The following STRBP variants were observed in gnomAD, a reference collection of about 807,000 sequenced individuals.
The protein encoded by STRBP is spermatid perinuclear RNA-binding protein.
Under a neutral mutation model 80.1 loss-of-function variants are expected in STRBP, and 13 were observed. The observed-to-expected ratio is 0.16, with a 90% CI of 0.11 to 0.26. STRBP has a LOEUF of 0.26. Ranked by LOEUF, STRBP falls within the 10% of genes least tolerant of loss-of-function variation. The probability of loss-of-function intolerance (pLI) is 1.00; values close to 1 mark genes in which losing one functional copy is unlikely to be tolerated. For synonymous variants in STRBP, 284 were observed against 291.2 expected, an observed-to-expected ratio of 0.98 and a Z score of 0.25; for missense variants, 485 against 815.2, an observed-to-expected ratio of 0.59 and a Z score of 4.93.
chr9:123,176,699 T>C (rs2132443880), intron 4 of STRBP, among the ~76,000 whole-genome samples: 1 of 152,298 alleles, frequency 6.6e-6, no homozygotes, highest in African/African-American at 2.4e-5. Flanking sequence ...CTTGGTCTTA[T>C]CAGCCCACAG....
At chr9:123,154,937 A>G (rs2132378993) in intron 11 of STRBP, among the ~76,000 whole-genome samples, 1 of 152,344 alleles carries the variant, frequency 6.6e-6, no homozygotes, top group South Asian at 2.1e-4. Context: ...GATGGGAGAT[A>G]CTGCAGCAGG....
chr9:123,197,140 A>AGAAAAAAAAACTTC lies in STRBP; in HGVS notation c.-164-12856_-164-12843dup, dbSNP rs202036886. Among the ~76,000 whole-genome samples the AGAAAAAAAAACTTC allele has an allele frequency of 9.4e-3, 1,437 of 152,310 alleles. 13 individuals carry two copies. The highest frequency in any genetic ancestry group is 0.015 in the Non-Finnish European group (1,038 of 68,020). ...AGGTTAAATGAAGTAAGCCAGACACAGAAAAAAAAACTTCAAATGTTCTTA... is the reference window on the plus strand; with the variant it reads ...AGGTTAAATGAAGTAAGCCAGACACAGAAAAAAAAACTTCGAAAAAAAAACTTCAAATGTTCTTA... On this transcript the variant is annotated intron_variant, in intron 2 of 18. Transcript: ENST00000348403.
intron 1 of STRBP, among the ~76,000 whole-genome samples, chr9:123,254,976 A>G (rs970045302): frequency 6.6e-6 from 1 of 152,224 alleles, no homozygotes; most frequent in African/African-American, 2.4e-5. Context: ...GTCTTTTTTC[A>G]ACTATTAAAA....
chr9:123,156,761 A>G (rs2037304936), intron 11 of STRBP, among the ~76,000 whole-genome samples: 1 of 151,800 alleles, frequency 6.6e-6, no homozygotes, highest in African/African-American at 2.4e-5. Context: ...CTTCAGACCC[A>G]CTGGAATTCT....
intron 3 of STRBP, among the ~76,000 whole-genome samples, chr9:123,182,217 T>TAAAAAAA (rs10546358): frequency 1.4e-5 from 1 of 69,764 alleles, no homozygotes; most frequent in African/African-American, 3.9e-5. Flanking sequence ...TCCGTTTCTT[T>TAAAAAAA]AAAAAAAAAA....
intron 2 of STRBP, among the ~76,000 whole-genome samples, chr9:123,213,373 C>T (rs1197278177): frequency 1.3e-5 from 2 of 152,104 alleles, no homozygotes; most frequent in Non-Finnish European, 2.9e-5. Context: ...GTTCGTTTTT[C>T]GAAACTTGAT....
Position 123,116,468 on chromosome 9 carries a change from CA to C in STRBP, c.169-371del, listed in dbSNP as rs553835362. On this transcript the variant is annotated intron_variant and NMD_transcript_variant, in intron 2 of 3. Coordinates refer to the STRBP transcript ENST00000471564. The stretch of plus-strand genomic sequence containing the variant: ...GTAGCTGGCAAAAAAGAAAACAAAA[CA>C]AAAAAACAGGCTGCCTGGCCCAGGG... Among the ~76,000 whole-genome samples the C allele has an allele frequency of 4.5e-3, 685 of 152,104 alleles. 3 individuals carry two copies. The highest frequency in any genetic ancestry group is 7.8e-3 in the Non-Finnish European group (528 of 67,960).
Position 123,200,575 on chromosome 9 carries a change from T to G in STRBP, c.-164-16277A>C, listed in dbSNP as rs189900870. Among the ~76,000 whole-genome samples the G allele has an allele frequency of 9.7e-4, 146 of 149,770 alleles. 2 individuals carry two copies. Among genetic ancestry groups the G allele is most frequent in the Admixed American group, 3.4e-3 (51 of 15,118 alleles). On this transcript the variant is annotated intron_variant, in intron 2 of 18. Transcript: ENST00000348403. ...TCTGTTGGCAATTTTTTTGTCTTTT[T>G]TTTTTTTTTTGAGACGGAATCTCAC...
chr9:123,161,099 A>T (rs747608728), intron 6 of STRBP, 31 bp from the exon 7 acceptor site: 1 of 1,495,764 alleles, frequency 6.7e-7, no homozygotes, highest in Non-Finnish European at 9.2e-7. Flanking sequence ...AGAGAGACAA[A>T]TACAATTTGA....
intron 1 of STRBP, among the ~76,000 whole-genome samples, chr9:123,242,170 C>A (rs552370190): frequency 6.6e-6 from 1 of 152,308 alleles, no homozygotes; most frequent in South Asian, 2.1e-4. Context: ...CAATTAGCCA[C>A]CCCACTATTT....
At chr9:123,252,391 T>C (rs2040936612) in intron 1 of STRBP, among the ~76,000 whole-genome samples, 1 of 152,168 alleles carries the variant, frequency 6.6e-6, no homozygotes, top group Admixed American at 6.5e-5. Context: ...GTCTTACAGC[T>C]AGTAAGTGAC....
chr9:123,207,097 A>T (rs1347560239), intron 2 of STRBP, among the ~76,000 whole-genome samples: 1 of 152,072 alleles, frequency 6.6e-6, no homozygotes, highest in African/African-American at 2.4e-5. Flanking sequence ...ATAAAAGAAT[A>T]AAAAAAACAG....
In STRBP at chr9:123,132,904, C is replaced by G; in HGVS notation, c.1838G>C (p.Gly613Ala). ...AACAAAAGCTCCCCTTGTTAGAGTT[C>G]CTCTTCCTCTGCCCCGAACAGCTTG... is the stretch of plus-strand genomic sequence containing the variant. Reference protein sequence around the residue: ...AVQAVRGRGRGTLTRGAFVGA... With the variant: ...AVQAVRGRGRATLTRGAFVGA... The change falls in exon 17 of 19, where the codon GGA becomes GCA. Residue 613 changes from glycine (G) to alanine (A), a missense_variant. By Grantham distance (60) the Gly-to-Ala change is moderately conservative. Transcript: ENST00000348403. The G allele has an allele frequency of 6.2e-7, 1 of 1,614,126 alleles. No individual in the cohort carries two copies. Among genetic ancestry groups the G allele is most frequent in the Non-Finnish European group, 8.5e-7 (1 of 1,179,978 alleles).
chr9:123,202,923 C>G (rs570230315), intron 2 of STRBP, among the ~76,000 whole-genome samples: 20 of 152,020 alleles, frequency 1.3e-4, no homozygotes, highest in Admixed American at 6.6e-4. Flanking sequence ...TCCACCATAA[C>G]CAACCTGGTC....
At position 123,125,459 on chromosome 9, in the gene STRBP, C is replaced by A; in HGVS notation, c.*138G>T. ...GAACTAAATTTGCATTTGTTAAAAT[C>A]AAAAAGTAGGAAAGATGTTCTTTAC... On this transcript the variant is annotated 3_prime_UTR_variant, in exon 19 of 19. Coordinates refer to ENST00000348403, the MANE Select transcript of STRBP (RefSeq NM_018387.5). 8.0e-7 allele frequency: 1 copy of A among 1,250,204 alleles called. No homozygotes were observed. The highest frequency in any genetic ancestry group is 1.6e-5 in the African/African-American group (1 of 63,528). 77.4% of individuals were successfully genotyped at this position (1,250,204 alleles called of 1,614,324 possible).
intron 11 of STRBP, 134 bp downstream of exon 11, chr9:123,157,878 G>T (rs1588012822): frequency 1.4e-6 from 1 of 703,806 alleles, no homozygotes; most frequent in East Asian, 2.5e-5. Context: ...ACCTATATCA[G>T]TCAGGAAGAA....
chr9:123,121,319 C>T (rs944259454), downstream of STRBP: 9 of 152,196 alleles, frequency 5.9e-5, no homozygotes, highest in African/African-American at 2.2e-4. Context: ...AGCCTTAGCA[C>T]ACAACATCTA....
At chr9:123,160,016 G>C (rs1220791174) in intron 8 of STRBP, among the ~76,000 whole-genome samples, 6 of 152,204 alleles carry the variant, frequency 3.9e-5, no homozygotes, top group Non-Finnish European at 5.9e-5. Flanking sequence ...CAAAAGAGAA[G>C]TGGGTCAGCC....
chr9:123,199,083 T>G (rs1044146114), intron 2 of STRBP, among the ~76,000 whole-genome samples: 1 of 152,216 alleles, frequency 6.6e-6, no homozygotes, highest in Non-Finnish European at 1.5e-5. Context: ...TAGCTGGGAC[T>G]ACAGGCACGT....
Sources: allele counts gnomAD v4.1 joint callset (sites outside exome capture counted in the v4.1 genomes callset), GRCh38; gene constraint gnomAD v4.1.1; transcripts MANE v1.5; gene names NCBI Gene and HGNC (gene_info 2026-07-23, HGNC 2026-07-21).